The following CAPN2 variants were observed in gnomAD, a reference collection of about 807,000 sequenced individuals.
CAPN2 encodes the protein calpain 2.
CAPN2 carries 92 observed loss-of-function variants against 102.3 expected under a neutral mutation model. The observed-to-expected ratio is 0.90, with a 90% CI of 0.76 to 1.07. The LOEUF is 1.07. Among genes scored for constraint, CAPN2 ranks in the 50% least tolerant of loss-of-function variants. The probability of loss-of-function intolerance (pLI) is 0.00; values close to 1 mark genes in which losing one functional copy is unlikely to be tolerated. For missense variants in CAPN2, 800 were observed against 909.4 expected (o/e 0.88, Z 1.55); for synonymous variants, 340 against 355.4 (o/e 0.96, Z 0.49).
intron 3 of CAPN2, 110 bp downstream of exon 3, chr1:223,744,328 C>A: frequency 1.3e-6 from 1 of 744,244 alleles, no homozygotes; most frequent in Non-Finnish European, 2.4e-6. Context: ...CTCCCAAGAC[C>A]AATACTGTTC....
rs908671232 is a variant in CAPN2, at chr1:223,749,113, A to T, written c.804A>T (p.Gly268=). 3.1e-6 allele frequency: 5 copies of T among 1,613,842 alleles called. No individual in the cohort carries two copies. In the African/African-American group the frequency reaches 6.7e-5, roughly 22 times the overall value. The change falls in exon 6 of 21, where the codon GGA becomes GGT. Residue 268 remains glycine (G), a synonymous_variant. Transcript: ENST00000295006. The part of the protein sequence containing the change: ...LVKGHAYSVT[G]AEEVESNGSL... ...AGGGGCACGCGTACTCGGTCACCGG[A>T]GCCGAGGAGGTAACGGCCGGCGCGG... is the stretch of plus-strand genomic sequence containing the variant.
intron 1 of CAPN2, among the ~76,000 whole-genome samples, chr1:223,703,471 C>A (rs2102764936): frequency 6.6e-6 from 1 of 152,304 alleles, no homozygotes; most frequent in African/African-American, 2.4e-5. Flanking sequence ...GCTGCTCCAG[C>A]CAATGACAAC....
upstream of CAPN2, among the ~76,000 whole-genome samples, chr1:223,710,823 C>A (rs1659711013): frequency 6.7e-6 from 1 of 148,256 alleles, no homozygotes; most frequent in African/African-American, 2.5e-5. Flanking sequence ...ACCCACCCAC[C>A]ACCCCCCGCC....
In CAPN2 at chr1:223,724,028, G is replaced by A. The variant is rs371574998; in HGVS notation, c.307+6197G>A. Reference sequence around the variant, plus strand: ...TTCCTGTGGCCAGGAGCCAGACCACGCCCCTATACGGCCATAGTTGTCTTA... The same window carrying A: ...TTCCTGTGGCCAGGAGCCAGACCACACCCCTATACGGCCATAGTTGTCTTA... On this transcript the variant is annotated intron_variant, in intron 2 of 20. Coordinates refer to ENST00000295006, the MANE Select transcript of CAPN2 (RefSeq NM_001748.5). Among the ~76,000 whole-genome samples the A allele has an allele frequency of 1.7e-4, 26 of 151,714 alleles. No homozygotes were observed. In the East Asian group the frequency reaches 2.9e-3, roughly 17 times the overall value.
At chr1:223,774,091 A>ACAGC (rs547782915) in intron 20 of CAPN2, among the ~76,000 whole-genome samples, 51 of 152,170 alleles carry the variant, frequency 3.4e-4, no homozygotes, top group African/African-American at 1.2e-3. Context: ...GAAACATGCC[A>ACAGC]CATGTTAAGT....
At chr1:223,750,999 G>GA in intron 7 of CAPN2, 24 bp downstream of exon 7, 2 of 1,541,400 alleles carry the variant, frequency 1.3e-6, no homozygotes, top group Non-Finnish European at 1.8e-6. Flanking sequence ...AGGCCTCGGG[G>GA]CCCCAGGCGG....
At chr1:223,745,152 C>A (rs557234978) in intron 3 of CAPN2, among the ~76,000 whole-genome samples, 154 bp from the exon 4 acceptor site, 37 of 152,086 alleles carry the variant, frequency 2.4e-4, no homozygotes, top group Non-Finnish European at 5.1e-4. Flanking sequence ...GAGGACTTGG[C>A]CTGCATAGGA....
chr1:223,771,925 AG>A lies in CAPN2; in HGVS notation c.2020+1del, dbSNP rs748824974. ...TTTGGTTCGGCTGGAAACGCTATTC[AG>A]TAAGTGGATATTTGGGGAATGACTC... On this transcript the variant is annotated splice_donor_variant, in intron 19 of 20. Transcript: ENST00000295006. LOFTEE classifies it high-confidence loss of function. 2.3e-5 allele frequency: 36 copies of A among 1,595,408 alleles called. No homozygotes were observed. In the East Asian group the frequency reaches 7.6e-4, roughly 34 times the overall value.
At chr1:223,757,116 A>G (rs1292963809) in intron 10 of CAPN2, among the ~76,000 whole-genome samples, 1 of 152,122 alleles carries the variant, frequency 6.6e-6, no homozygotes, top group Non-Finnish European at 1.5e-5. Context: ...GCCACCTTAG[A>G]CAAGTCTCTT....
intron 13 of CAPN2, 151 bp from the exon 14 acceptor site, chr1:223,762,035 A>T: frequency 1.7e-6 from 1 of 605,164 alleles, no homozygotes; most frequent in Non-Finnish European, 2.9e-6. Flanking sequence ...TCTTCACACT[A>T]TACCTGATCT....
rs566068339 is a variant in CAPN2 at position 223,766,141 on chromosome 1, A to G, written c.1691-226A>G. Reference sequence around the variant, plus strand: ...TTTATTTGTTCAAAAAGCACTTTTTAAAGCCCTGTTTGCCCACGGCAAATA... The same window carrying G: ...TTTATTTGTTCAAAAAGCACTTTTTGAAGCCCTGTTTGCCCACGGCAAATA... On this transcript the variant is annotated intron_variant, in intron 15 of 20. Transcript: ENST00000295006. Among the ~76,000 whole-genome samples, 7 of 152,398 alleles carry G rather than the reference A, an allele frequency of 4.6e-5. No individual in the cohort carries two copies. In the South Asian group the frequency reaches 1.4e-3, roughly 32 times the overall value.
intron 2 of CAPN2, among the ~76,000 whole-genome samples, chr1:223,728,440 G>A (rs1470900741): frequency 6.6e-6 from 1 of 152,150 alleles, no homozygotes. Context: ...CCTGGGAGCT[G>A]TCTCATCTTT....
intron 2 of CAPN2, among the ~76,000 whole-genome samples, chr1:223,734,804 T>G (rs968111317): frequency 7.2e-5 from 11 of 152,212 alleles, no homozygotes; most frequent in African/African-American, 2.7e-4. Context: ...CTCAATGCTT[T>G]GCATATTTTT....
In CAPN2 at chr1:223,755,205, CATCTCCCACT is replaced by C. The variant is rs1661001921; in HGVS notation, c.1136-274_1136-265del. On this transcript the variant is annotated intron_variant, in intron 9 of 20. Coordinates refer to ENST00000295006, the MANE Select transcript of CAPN2 (RefSeq NM_001748.5). This position sits in a 1 kb window ranked among gnomAD's most constrained non-coding sequence, Gnocchi z 4.1. ...TCTGCCATCCTCTGCCATCTCCCAC[CATCTCCCACT>C]GTCTCCCACAGCCTCCCACCGCCTC... is the stretch of plus-strand genomic sequence containing the variant. Among the ~76,000 whole-genome samples the C allele has an allele frequency of 6.6e-6, 1 of 152,056 alleles. No individual in the cohort carries two copies. Among genetic ancestry groups the C allele is most frequent in the African/African-American group, 2.4e-5 (1 of 41,388 alleles).
chr1:223,712,581 G>C lies in CAPN2; in HGVS notation c.-60G>C, dbSNP rs1050694839. The stretch of plus-strand genomic sequence containing the variant: ...GCCGGGCCCTGGCCGCGCCCCAGCC[G>C]AGCGCAGCGCGGAGTCGCCCCGACC... On this transcript the variant is annotated 5_prime_UTR_variant, in exon 1 of 21. Coordinates refer to ENST00000295006, the MANE Select transcript of CAPN2 (RefSeq NM_001748.5). 7.7e-6 allele frequency: 11 copies of C among 1,425,172 alleles called. No homozygotes were observed. The highest frequency in any genetic ancestry group is 9.2e-6 in the Non-Finnish European group (10 of 1,090,366). 88.3% of individuals were successfully genotyped at this position (1,425,172 alleles called of 1,614,324 possible). A position where few individuals can be genotyped will look rare whatever the true frequency, so the allele number is the denominator to read the frequency against.
At chr1:223,714,571 A>T (rs1659826345) in intron 1 of CAPN2, among the ~76,000 whole-genome samples, 1 of 149,714 alleles carries the variant, frequency 6.7e-6, no homozygotes, top group Non-Finnish European at 1.5e-5. Context: ...TTGAGCCAGG[A>T]GTTCAAGACC....
At chr1:223,752,982 G>T in intron 9 of CAPN2, 26 bp downstream of exon 9, 1 of 1,610,662 alleles carries the variant, frequency 6.2e-7, no homozygotes, top group Non-Finnish European at 8.5e-7. Context: ...TATAAGGGCT[G>T]TTGCAATGCG....
chr1:223,759,010 A>G lies in CAPN2; in HGVS notation c.1318-260A>G. On this transcript the variant is annotated intron_variant, in intron 11 of 20. Coordinates refer to ENST00000295006, the MANE Select transcript of CAPN2 (RefSeq NM_001748.5). The surrounding 1 kb of genome is among the most constrained non-coding windows in gnomAD (Gnocchi z 4.6). ...CTAACAAAAGTTTGCTTTTTATCTA[A>G]AATGACCCAGGCATTGTCACTGTAC... is the stretch of plus-strand genomic sequence containing the variant. 1 of 494,508 alleles carries G rather than the reference A, an allele frequency of 2.0e-6. No homozygotes were observed. Among genetic ancestry groups the G allele is most frequent in the Non-Finnish European group, 3.7e-6 (1 of 271,376 alleles). 30.6% of individuals were successfully genotyped at this position (494,508 alleles called of 1,614,324 possible). A position where few individuals can be genotyped will look rare whatever the true frequency, so the allele number is the denominator to read the frequency against.
Position 223,726,235 on chromosome 1 carries a change from G to A in CAPN2, c.307+8404G>A, listed in dbSNP as rs999224643. On this transcript the variant is annotated intron_variant, in intron 2 of 20. Coordinates refer to ENST00000295006, the MANE Select transcript of CAPN2 (RefSeq NM_001748.5). This position sits in a 1 kb window ranked among gnomAD's most constrained non-coding sequence, Gnocchi z 4.4. ...GAATTTAAGACAGGAATTGGCAGCC[G>A]AGGGCAAGGTTCCACCTCCTCCTCC... 3.9e-5 allele frequency among the ~76,000 whole-genome samples: 6 copies of A among 152,160 alleles called. No individual in the cohort carries two copies. The highest frequency in any genetic ancestry group is 1.9e-4 in the East Asian group (1 of 5,192).
Sources: gnomAD v4.1 joint callset for allele counts (sites outside exome capture counted in the v4.1 genomes callset) on GRCh38, gnomAD v4.1.1 for gene constraint, Gnocchi (gnomAD v3.1) non-coding constraint, MANE v1.5 for transcripts, NCBI Gene and HGNC (gene_info 2026-07-23, HGNC 2026-07-21) for gene names.